THSD7B: variants seen among roughly 807,000 people sequenced by gnomAD.
THSD7B encodes thrombospondin type-1 domain-containing protein 7B.
THSD7B carries 138 observed loss-of-function variants against 213.6 expected under a neutral mutation model. The ratio of observed to expected loss-of-function variants is 0.65; its 90% confidence interval spans 0.56 to 0.74. The LOEUF is 0.74. Among genes scored for constraint, THSD7B ranks in the 30% least tolerant of loss-of-function variants. THSD7B has a pLI of 0.00. For synonymous variants in THSD7B, 742 were observed against 687.0 expected, an observed-to-expected ratio of 1.08 and a Z score of -1.25; for missense variants, 1,931 against 1,991.5, an observed-to-expected ratio of 0.97 and a Z score of 0.58.
intron 12 of THSD7B, among the ~76,000 whole-genome samples, chr2:137,286,897 G>A (rs1240177412): frequency 1.3e-5 from 2 of 152,140 alleles, no homozygotes; most frequent in Admixed American, 6.5e-5. Context: ...AAGCCATTTG[G>A]CAGTGTTTTC....
intron 7 of THSD7B, among the ~76,000 whole-genome samples, chr2:137,193,593 AAAG>A (rs1167550828): frequency 1.3e-5 from 2 of 152,234 alleles, no homozygotes; most frequent in African/African-American, 4.8e-5. Context: ...TTCTGAAGGA[AAAG>A]AATGGTGGCA....
At position 137,188,020 on chromosome 2, in the gene THSD7B, A is replaced by G. The variant is rs1680583318; in HGVS notation, c.1723+17082A>G. On this transcript the variant is annotated intron_variant, in intron 7 of 27. Transcript: ENST00000409968. ...TACCAGCTCTAGACACTGTAAGATA[A>G]GTCTCATTGTTCATCTGGTATCTCC... Among the ~76,000 whole-genome samples, 2 of 152,188 alleles carry G rather than the reference A, an allele frequency of 1.3e-5. 1 individual carries two copies. The highest frequency in any genetic ancestry group is 4.1e-4 in the South Asian group (2 of 4,830).
intron 2 of THSD7B, among the ~76,000 whole-genome samples, chr2:136,897,946 T>G (rs1043931251): frequency 6.7e-6 from 1 of 148,982 alleles, no homozygotes; most frequent in African/African-American, 2.5e-5. Flanking sequence ...CACAGAGCGC[T>G]TGCGTTTTTA....
chr2:137,256,707 T>C (rs901251547), intron 10 of THSD7B, among the ~76,000 whole-genome samples: 8 of 151,844 alleles, frequency 5.3e-5, no homozygotes, highest in African/African-American at 1.9e-4. Flanking sequence ...AAAAAGAAAA[T>C]AGTATAGAAA....
intron 10 of THSD7B, among the ~76,000 whole-genome samples, chr2:137,263,671 A>G (rs563849861): frequency 1.3e-4 from 20 of 152,314 alleles, no homozygotes; most frequent in South Asian, 2.1e-4. Context: ...ACCTAATTTC[A>G]TTTGTATATA....
At chr2:137,575,725 C>CACACACATATATATATATAT (rs59620213) in intron 17 of THSD7B, among the ~76,000 whole-genome samples, 2 of 110,814 alleles carry the variant, frequency 1.8e-5, no homozygotes, top group African/African-American at 6.2e-5. Flanking sequence ...CCATAACACA[C>CACACACATATATATATATAT]ATATATATAT....
intron 1 of THSD7B, among the ~76,000 whole-genome samples, chr2:136,779,498 C>T (rs1681690892): frequency 6.6e-6 from 1 of 152,018 alleles, no homozygotes; most frequent in African/African-American, 2.4e-5. Context: ...TTGGAATTGT[C>T]TCCATTATGC....
At chr2:137,135,709 C>T (rs961763579) in intron 5 of THSD7B, among the ~76,000 whole-genome samples, 17 of 152,070 alleles carry the variant, frequency 1.1e-4, no homozygotes. Flanking sequence ...TAACCCATCT[C>T]CATAGTGCAA....
At chr2:137,356,969 C>T (rs200684816) in intron 12 of THSD7B, among the ~76,000 whole-genome samples, 1 of 9,210 alleles carries the variant, frequency 1.1e-4, no homozygotes, top group Non-Finnish European at 9.8e-4. Flanking sequence ...CACACACAGA[C>T]ACACACACAC....
At chr2:137,240,243 G>C (rs553474375) in intron 9 of THSD7B, among the ~76,000 whole-genome samples, 1 of 152,282 alleles carries the variant, frequency 6.6e-6, no homozygotes, top group African/African-American at 2.4e-5. Context: ...TGTACTCTCT[G>C]TGACCAGAAT....
chr2:137,270,276 A>G (rs1682702469), intron 10 of THSD7B, among the ~76,000 whole-genome samples: 1 of 152,034 alleles, frequency 6.6e-6, no homozygotes, highest in Non-Finnish European at 1.5e-5. Flanking sequence ...AAGCCCAAAC[A>G]GAAGCCAATA....
chr2:137,540,672 C>A lies in THSD7B; in HGVS notation c.3139-22549C>A, dbSNP rs571902044. ...TGACTCCAAGCTGGTCTGGTACAAA[C>A]AGCTTTTTCTCTGATATGCTTTTTC... On this transcript the variant is annotated intron_variant, in intron 15 of 27. Coordinates refer to ENST00000409968, the MANE Select transcript of THSD7B (RefSeq NM_001316349.2). 3.3e-5 allele frequency among the ~76,000 whole-genome samples: 5 copies of A among 151,874 alleles called. No individual in the cohort carries two copies. In the South Asian group the frequency reaches 1.0e-3, roughly 31 times the overall value.
chr2:137,018,837 AT>A (rs1314732496), intron 2 of THSD7B, among the ~76,000 whole-genome samples: 2 of 152,126 alleles, frequency 1.3e-5, no homozygotes, highest in African/African-American at 4.8e-5. Context: ...TGATTCAATT[AT>A]TTTTTTGTTT....
At chr2:137,408,782 C>A (rs1355926358) in intron 13 of THSD7B, among the ~76,000 whole-genome samples, 1 of 152,150 alleles carries the variant, frequency 6.6e-6, no homozygotes, top group African/African-American at 2.4e-5. Context: ...CCCCTCCCTC[C>A]GTCTTCAAAG....
intron 10 of THSD7B, among the ~76,000 whole-genome samples, chr2:137,260,265 A>G (rs1301262453): frequency 6.6e-6 from 1 of 152,212 alleles, no homozygotes; most frequent in Non-Finnish European, 1.5e-5. Flanking sequence ...ATGATATTAA[A>G]AACAGTTTTA....
chr2:137,314,770 G>T (rs1043224169), intron 12 of THSD7B, among the ~76,000 whole-genome samples: 1 of 152,176 alleles, frequency 6.6e-6, no homozygotes, highest in African/African-American at 2.4e-5. Flanking sequence ...TCGGCCTTGT[G>T]AGGTGTCAGT....
chr2:137,545,264 C>A (rs973666908), intron 15 of THSD7B, among the ~76,000 whole-genome samples: 1 of 151,768 alleles, frequency 6.6e-6, no homozygotes, highest in Non-Finnish European at 1.5e-5. Context: ...AGTTCATATA[C>A]CATTGCTGTA....
chr2:136,918,671 C>T (rs745936740), intron 2 of THSD7B, among the ~76,000 whole-genome samples: 3 of 152,166 alleles, frequency 2.0e-5, no homozygotes, highest in African/African-American at 4.8e-5. Flanking sequence ...TATTCTTCTC[C>T]GTGACAGAAG....
chr2:137,292,319 T>C (rs1196802043), intron 12 of THSD7B, among the ~76,000 whole-genome samples: 1 of 152,184 alleles, frequency 6.6e-6, no homozygotes, highest in Admixed American at 6.5e-5. Flanking sequence ...ATCATTTGTT[T>C]CAACATATGG....
Sources: allele counts gnomAD v4.1 joint callset (sites outside exome capture counted in the v4.1 genomes callset), GRCh38; gene constraint gnomAD v4.1.1; transcripts MANE v1.5; gene names NCBI Gene and HGNC (gene_info 2026-07-23, HGNC 2026-07-21).